Variants in ASAP1 observed in about 807,000 individuals in gnomAD.
The protein encoded by ASAP1 is ArfGAP with SH3 domain, ankyrin repeat and PH domain 1, also known as arf-GAP with SH3 domain, ANK repeat and PH domain-containing protein 1.
Under a neutral mutation model 145.2 loss-of-function variants are expected in ASAP1, and 43 were observed. That is an observed-to-expected ratio of 0.30 (90% confidence interval 0.23 to 0.38). The LOEUF is 0.38. Ranked by LOEUF, ASAP1 falls within the 10% of genes least tolerant of loss-of-function variation. The pLI, the probability that ASAP1 is intolerant of heterozygous loss-of-function variation, is 1.00. For missense variants in ASAP1, 1,018 were observed against 1,355.3 expected, an observed-to-expected ratio of 0.75 and a Z score of 3.91; for synonymous variants, 546 against 515.5, an observed-to-expected ratio of 1.06 and a Z score of -0.80.
chr8:130,398,240 A>C (rs1438486952), intron 2 of ASAP1, among the ~76,000 whole-genome samples: 3 of 152,332 alleles, frequency 2.0e-5, no homozygotes, highest in African/African-American at 7.2e-5. Flanking sequence ...ACATTAGCAC[A>C]ACCACAGAAA....
chr8:130,229,834 A>T (rs1261139103), intron 4 of ASAP1, among the ~76,000 whole-genome samples: 1 of 152,152 alleles, frequency 6.6e-6, no homozygotes, highest in Non-Finnish European at 1.5e-5. Context: ...TGGGCCCAGG[A>T]GTTCAAGACT....
chr8:130,395,989 C>G (rs1405602486), intron 2 of ASAP1, among the ~76,000 whole-genome samples: 2 of 152,116 alleles, frequency 1.3e-5, no homozygotes, highest in Non-Finnish European at 2.9e-5. Flanking sequence ...TTTAAGCCAC[C>G]AAGTTTGTGG....
chr8:130,346,412 T>C (rs1056873101), intron 3 of ASAP1, among the ~76,000 whole-genome samples: 2 of 152,256 alleles, frequency 1.3e-5, no homozygotes, highest in African/African-American at 4.8e-5. Flanking sequence ...GCCTATTTCC[T>C]GTTTGTTCTT....
chr8:130,214,839 GT>G, intron 4 of ASAP1, 138 bp from the exon 5 acceptor site: 1 of 685,294 alleles, frequency 1.5e-6, no homozygotes, highest in African/African-American at 1.8e-5. Flanking sequence ...TGTCCCAAAG[GT>G]TAGGTTAGGA....
chr8:130,259,084 A>C (rs571252991), intron 3 of ASAP1, among the ~76,000 whole-genome samples: 1 of 152,280 alleles, frequency 6.6e-6, no homozygotes, highest in African/African-American at 2.4e-5. Context: ...ATCTCCCCAC[A>C]GAGTACGGTT....
chr8:130,116,440 C>A (rs1046914092), intron 22 of ASAP1, among the ~76,000 whole-genome samples: 2 of 152,230 alleles, frequency 1.3e-5, no homozygotes, highest in Non-Finnish European at 2.9e-5. Context: ...ACAAGTCGAT[C>A]TGGTAATAAT....
At chr8:130,230,601 A>C (rs1336614498) in intron 4 of ASAP1, among the ~76,000 whole-genome samples, 1 of 152,136 alleles carries the variant, frequency 6.6e-6, no homozygotes, top group Non-Finnish European at 1.5e-5. Flanking sequence ...GACCCACAAG[A>C]ATGCAAAATG....
chr8:130,291,426 AG>A (rs2137304201), intron 3 of ASAP1, among the ~76,000 whole-genome samples: 1 of 152,306 alleles, frequency 6.6e-6, no homozygotes, highest in African/African-American at 2.4e-5. Flanking sequence ...CTAAGGGGAA[AG>A]GTCTGCTGAA....
At chr8:130,394,735 G>T (rs1026519329) in intron 2 of ASAP1, among the ~76,000 whole-genome samples, 1 of 152,070 alleles carries the variant, frequency 6.6e-6, no homozygotes, top group African/African-American at 2.4e-5. Flanking sequence ...TTTGTACTCT[G>T]TCTCTTTATT....
At chr8:130,202,299 C>T (rs2136321417) in intron 5 of ASAP1, among the ~76,000 whole-genome samples, 1 of 152,256 alleles carries the variant, frequency 6.6e-6, no homozygotes, top group South Asian at 2.1e-4. Flanking sequence ...TGTGGGAAAC[C>T]AAAAGCACAA....
intron 24 of ASAP1, among the ~76,000 whole-genome samples, chr8:130,096,140 A>T (rs1055038066): frequency 2.0e-5 from 3 of 152,230 alleles, no homozygotes; most frequent in African/African-American, 7.2e-5. Flanking sequence ...GGAAGACATG[A>T]GGTAAAATAA....
chr8:130,424,411 C>T (rs532692006), intron 1 of ASAP1, among the ~76,000 whole-genome samples: 11 of 152,354 alleles, frequency 7.2e-5, no homozygotes, highest in Non-Finnish European at 1.5e-4. Flanking sequence ...GAGCACTCCA[C>T]TTCCCAAGAG....
At chr8:130,150,543 G>T (rs574492442) in intron 13 of ASAP1, among the ~76,000 whole-genome samples, 1 of 152,302 alleles carries the variant, frequency 6.6e-6, no homozygotes, top group South Asian at 2.1e-4. Flanking sequence ...ACAAATCCCA[G>T]GGGAGAGCTC....
rs564660559 is a variant in ASAP1, at chr8:130,377,479, C to T, written c.60-19336G>A. 7.9e-5 allele frequency among the ~76,000 whole-genome samples: 12 copies of T among 152,318 alleles called. 1 individual carries two copies. In the Middle Eastern group the frequency reaches 0.014, roughly 173 times the overall value. Reference sequence around the variant, plus strand: ...TCCCTTGTTGTTTATTCATTTGACACGCACTGACCAAGCGCCTCCTGCCTG... The same window carrying T: ...TCCCTTGTTGTTTATTCATTTGACATGCACTGACCAAGCGCCTCCTGCCTG... On this transcript the variant is annotated intron_variant, in intron 2 of 29. Transcript: ENST00000518721.
chr8:130,128,139 A>ATTTTTT (rs745416119), intron 15 of ASAP1, 49 bp from the exon 16 acceptor site: 12 of 179,492 alleles, frequency 6.7e-5, no homozygotes, highest in Non-Finnish European at 7.8e-5. Context: ...GAGCATGGTC[A>ATTTTTT]TTTTTTTTTT....
chr8:130,364,790 T>C (rs1826874381), intron 2 of ASAP1, among the ~76,000 whole-genome samples: 1 of 152,118 alleles, frequency 6.6e-6, no homozygotes, highest in Admixed American at 6.5e-5. Context: ...ACTGAGAACT[T>C]CCTCAGCAAC....
chr8:130,094,939 C>G (rs2097514060), intron 24 of ASAP1, among the ~76,000 whole-genome samples: 1 of 152,128 alleles, frequency 6.6e-6, no homozygotes, highest in South Asian at 2.1e-4. Flanking sequence ...TTGTCAAAGA[C>G]AAAATGCTAA....
At chr8:130,118,001 G>A (rs766624091) in intron 20 of ASAP1, among the ~76,000 whole-genome samples, 160 bp downstream of exon 20, 4 of 152,208 alleles carry the variant, frequency 2.6e-5, no homozygotes, top group Non-Finnish European at 5.9e-5. Context: ...GAATAGCTCT[G>A]ACAGAGAGAC....
At chr8:130,181,010 A>T in intron 7 of ASAP1, 130 bp from the exon 8 acceptor site, 1 of 557,760 alleles carries the variant, frequency 1.8e-6, no homozygotes, top group Non-Finnish European at 2.7e-6. Flanking sequence ...AGTTGTATCA[A>T]TTGTACCACT....
Sources: gnomAD v4.1 joint callset for allele counts (sites outside exome capture counted in the v4.1 genomes callset) on GRCh38, gnomAD v4.1.1 for gene constraint, MANE v1.5 for transcripts, NCBI Gene and HGNC (gene_info 2026-07-23, HGNC 2026-07-21) for gene names.